The following CCSER1 variants were observed in gnomAD, a reference collection of about 807,000 sequenced individuals.
CCSER1 encodes serine-rich coiled-coil domain-containing protein 1.
Under a neutral mutation model 82.0 loss-of-function variants are expected in CCSER1, and 41 were observed. The ratio of observed to expected loss-of-function variants is 0.50; its 90% confidence interval spans 0.39 to 0.65. CCSER1 has a LOEUF of 0.65. CCSER1 is among the 30% of genes least tolerant of loss of function. The pLI is 0.00. For synonymous variants in CCSER1, 414 were observed against 383.9 expected, an observed-to-expected ratio of 1.08 and a Z score of -0.92; for missense variants, 1,119 against 1,064.2, an observed-to-expected ratio of 1.05 and a Z score of -0.72.
At chr4:90,229,144 G>A (rs1321628934) in intron 1 of CCSER1, among the ~76,000 whole-genome samples, 1 of 152,114 alleles carries the variant, frequency 6.6e-6, no homozygotes, top group African/African-American at 2.4e-5. Flanking sequence ...TCCTCGAGAA[G>A]AGCAACTCCA....
chr4:90,921,523 T>C (rs1053465512), intron 8 of CCSER1, among the ~76,000 whole-genome samples: 2 of 152,000 alleles, frequency 1.3e-5, no homozygotes, highest in African/African-American at 2.4e-5. Flanking sequence ...TATTTGTTTG[T>C]TTGTTCTTGT....
chr4:91,152,977 C>T lies in CCSER1; in HGVS notation c.2217+66983C>T. Among the ~76,000 whole-genome samples the T allele has an allele frequency of 1.3e-5, 2 of 151,880 alleles. 1 individual carries two copies. Among genetic ancestry groups the T allele is most frequent in the Non-Finnish European group, 2.9e-5 (2 of 67,916 alleles). ...TTCATTTCTACTTTGGTGAATCTAA[C>T]AATTATGTGTCTTGGAGTTGCTCTT... On this transcript the variant is annotated intron_variant, in intron 10 of 10. Transcript: ENST00000509176.
chr4:90,891,766 A>C (rs1723001623), intron 8 of CCSER1, among the ~76,000 whole-genome samples: 1 of 152,076 alleles, frequency 6.6e-6, no homozygotes, highest in Non-Finnish European at 1.5e-5. Context: ...TTATGTGAAA[A>C]AAGTGTAAGG....
At chr4:90,949,685 T>G (rs991129857) in intron 9 of CCSER1, among the ~76,000 whole-genome samples, 1 of 152,152 alleles carries the variant, frequency 6.6e-6, no homozygotes, top group Non-Finnish European at 1.5e-5. Context: ...CAGGTATTTC[T>G]GTTGTTGTTG....
intron 10 of CCSER1, among the ~76,000 whole-genome samples, chr4:91,557,871 T>G (rs1367778651): frequency 6.6e-6 from 1 of 151,408 alleles, no homozygotes; most frequent in Non-Finnish European, 1.5e-5. Flanking sequence ...ATTTCATATT[T>G]GTATCAATGA....
chr4:90,931,347 T>C (rs1187923225), intron 9 of CCSER1, among the ~76,000 whole-genome samples: 1 of 151,976 alleles, frequency 6.6e-6, no homozygotes, highest in African/African-American at 2.4e-5. Flanking sequence ...AAAATGCTTA[T>C]TTGAATTTTA....
chr4:90,239,071 G>C (rs1035217327), intron 1 of CCSER1, among the ~76,000 whole-genome samples: 1 of 152,256 alleles, frequency 6.6e-6, no homozygotes, highest in African/African-American at 2.4e-5. Context: ...GGCTGGTTCC[G>C]AACTCCTGAC....
intron 7 of CCSER1, among the ~76,000 whole-genome samples, chr4:90,738,427 A>G (rs1746009287): frequency 2.0e-5 from 3 of 152,104 alleles, no homozygotes; most frequent in Admixed American, 6.5e-5. Context: ...TTGCTTTACC[A>G]TACAGAGATT....
At chr4:91,273,354 T>TGTTTTTTC (rs1742189028) in intron 10 of CCSER1, among the ~76,000 whole-genome samples, 1 of 152,156 alleles carries the variant, frequency 6.6e-6, no homozygotes, top group South Asian at 2.1e-4. Context: ...TTTGTTTTTT[T>TGTTTTTTC]GTTTTTTCAG....
In CCSER1 at chr4:91,003,913, C is replaced by T. The variant is rs139229691; in HGVS notation, c.2172+80466C>T. Among the ~76,000 whole-genome samples the T allele has an allele frequency of 2.4e-3, 360 of 152,308 alleles. 3 individuals carry two copies. The highest frequency in any genetic ancestry group is 0.017 in the Admixed American group (262 of 15,298). On this transcript the variant is annotated intron_variant, in intron 9 of 10. Coordinates refer to ENST00000509176, the MANE Select transcript of CCSER1 (RefSeq NM_001145065.2). ...AGGGCTTTTCCTGCTTCTTCCTCTA[C>T]TTCTGCATTTCACTTGGTTCTCTAA...
chr4:90,363,091 T>C (rs1344427748), intron 3 of CCSER1, among the ~76,000 whole-genome samples: 1 of 152,138 alleles, frequency 6.6e-6, no homozygotes, highest in African/African-American at 2.4e-5. Context: ...TTTTACATTA[T>C]AGAAAGCTTA....
At chr4:91,401,879 T>G (rs1164854647) in intron 10 of CCSER1, among the ~76,000 whole-genome samples, 2 of 152,180 alleles carry the variant, frequency 1.3e-5, no homozygotes, top group Non-Finnish European at 2.9e-5. Flanking sequence ...TGTGTCTTTA[T>G]AGCAGCATGA....
At chr4:90,790,811 G>C (rs1755124415) in intron 7 of CCSER1, among the ~76,000 whole-genome samples, 1 of 152,098 alleles carries the variant, frequency 6.6e-6, no homozygotes, top group South Asian at 2.1e-4. Context: ...GAAATTCCAA[G>C]CTTTCCCACA....
intron 8 of CCSER1, among the ~76,000 whole-genome samples, chr4:90,892,968 G>A (rs1242839905): frequency 6.6e-6 from 1 of 151,996 alleles, no homozygotes; most frequent in East Asian, 1.9e-4. Flanking sequence ...TGATTACAGA[G>A]GGCATTTATT....
In CCSER1 at chr4:90,759,273, A is replaced by T. The variant is rs1222700326; in HGVS notation, c.2010+35282A>T. On this transcript the variant is annotated intron_variant, in intron 7 of 10. Coordinates refer to ENST00000509176, the MANE Select transcript of CCSER1 (RefSeq NM_001145065.2). The stretch of plus-strand genomic sequence containing the variant: ...ATAGACTGTAATTAATCTGAAGGCA[A>T]GAATGACGTTTTATTTATCTCTGAA... 2.0e-5 allele frequency among the ~76,000 whole-genome samples: 3 copies of T among 152,238 alleles called. 1 individual carries two copies. Among genetic ancestry groups the T allele is most frequent in the African/African-American group, 7.2e-5 (3 of 41,466 alleles).
rs147853820 is a variant in CCSER1, at chr4:90,807,308, T to A, written c.2011-8454T>A. 3.3e-4 allele frequency among the ~76,000 whole-genome samples: 51 copies of A among 152,282 alleles called. No homozygotes were observed. In the East Asian group the frequency reaches 8.1e-3, roughly 24 times the overall value. On this transcript the variant is annotated intron_variant, in intron 7 of 10. Coordinates refer to ENST00000509176, the MANE Select transcript of CCSER1 (RefSeq NM_001145065.2). ...AACAGTAATATTTAGAGTCTAGGAGTATAAGTATTAAAAATGAGTATAATC... is the reference window on the plus strand; with the variant it reads ...AACAGTAATATTTAGAGTCTAGGAGAATAAGTATTAAAAATGAGTATAATC...
At chr4:91,137,978 A>G (rs2148922572) in intron 10 of CCSER1, among the ~76,000 whole-genome samples, 1 of 104,134 alleles carries the variant, frequency 9.6e-6, no homozygotes, top group Middle Eastern at 4.1e-3. Context: ...CATGGGTAGG[A>G]AGAATCAATA....
chr4:90,174,607 A>T (rs1732320271), intron 1 of CCSER1, among the ~76,000 whole-genome samples: 1 of 151,984 alleles, frequency 6.6e-6, no homozygotes, highest in Admixed American at 6.6e-5. Flanking sequence ...GCAGCAAGAA[A>T]TTGCAATACA....
intron 1 of CCSER1, among the ~76,000 whole-genome samples, chr4:90,266,750 G>C (rs1560908447): frequency 6.6e-6 from 1 of 152,002 alleles, no homozygotes; most frequent in Non-Finnish European, 1.5e-5. Flanking sequence ...CCTAGCCAGA[G>C]AGAAATTGCC....
Sources: gnomAD v4.1 joint callset for allele counts (sites outside exome capture counted in the v4.1 genomes callset) on GRCh38, gnomAD v4.1.1 for gene constraint, MANE v1.5 for transcripts, NCBI Gene and HGNC (gene_info 2026-07-23, HGNC 2026-07-21) for gene names.